Variants in SCGB2B2 observed in about 807,000 individuals in gnomAD.
SCGB2B2 encodes the protein secretoglobin-like protein.
A neutral mutation model predicts 7.6 loss-of-function variants in SCGB2B2; 11 were observed. The ratio of observed to expected loss-of-function variants is 1.45; its 90% CI spans 0.91 to 2.40. The LOEUF (loss-of-function observed/expected upper bound fraction) is 2.40, where lower values mean the gene tolerates loss of function less well. SCGB2B2 is among the 30% of genes most tolerant of loss of function. SCGB2B2 has a pLI of 0.00. For synonymous variants in SCGB2B2, 50 were observed against 48.6 expected (o/e 1.03, Z -0.12); for missense variants, 104 against 115.4 (o/e 0.90, Z 0.45).
At chr19:34,651,047 A>G (rs1446009758) in intron 1 of SCGB2B2, among the ~76,000 whole-genome samples, 5 of 151,356 alleles carry the variant, frequency 3.3e-5, no homozygotes, top group Non-Finnish European at 7.3e-5. Context: ...ATAAAATTCA[A>G]TAGTCCTTAA....
Position 34,592,504 on chromosome 19 carries a change from G to A in SCGB2B2, c.*1051C>T, listed in dbSNP as rs1484520280. Among the ~76,000 whole-genome samples, 3 of 152,130 alleles carry A rather than the reference G, an allele frequency of 2.0e-5. No individual in the cohort carries two copies. Among genetic ancestry groups the A allele is most frequent in the Non-Finnish European group, 4.4e-5 (3 of 68,012 alleles). On this transcript the variant is annotated 3_prime_UTR_variant, in exon 4 of 4. Transcript: ENST00000601241. The stretch of plus-strand genomic sequence containing the variant: ...GACACCTGGGTGGGAGGGAGAGGGA[G>A]GAGTCTAGGGCGGTGTGAGCTGATA...
At chr19:34,658,417 A>T (rs923693265) in intron 1 of SCGB2B2, among the ~76,000 whole-genome samples, 2 of 152,204 alleles carry the variant, frequency 1.3e-5, no homozygotes, top group African/African-American at 4.8e-5. Context: ...GATAAAGGGG[A>T]TATCACCACT....
At chr19:34,609,002 T>C (rs1291709770) in intron 1 of SCGB2B2, among the ~76,000 whole-genome samples, 1 of 152,096 alleles carries the variant, frequency 6.6e-6, no homozygotes, top group African/African-American at 2.4e-5. Context: ...GTAATTTTGA[T>C]AATACCCATC....
rs527294115 is a variant in SCGB2B2, at chr19:34,649,993, TCCTAAGTCATCC to T, written c.-2032+25625_-2032+25636del. 1.9e-4 allele frequency among the ~76,000 whole-genome samples: 29 copies of T among 151,282 alleles called. No individual in the cohort carries two copies. In the East Asian group the frequency reaches 5.6e-3, roughly 29 times the overall value. On this transcript the variant is annotated intron_variant, in intron 1 of 3. Coordinates refer to ENST00000601241, the MANE Select transcript of SCGB2B2 (RefSeq NM_001025591.4). ...GCCCCACCATTTCCTCTTCCTCCAC[TCCTAAGTCATCC>T]CCTAAGTGTCCTGAGGGCAATAACC...
At chr19:34,610,876 A>C (rs1329701271) in intron 1 of SCGB2B2, among the ~76,000 whole-genome samples, 2 of 151,084 alleles carry the variant, frequency 1.3e-5, no homozygotes, top group African/African-American at 4.9e-5. Flanking sequence ...AATTTCTTGG[A>C]AGACTCTGAG....
intron 1 of SCGB2B2, among the ~76,000 whole-genome samples, chr19:34,615,972 AATG>A (rs1161262819): frequency 8.6e-5 from 13 of 151,578 alleles, no homozygotes; most frequent in Admixed American, 8.5e-4. Context: ...GTTTACTGAG[AATG>A]ATGATTTCCA....
intron 1 of SCGB2B2, among the ~76,000 whole-genome samples, chr19:34,619,871 C>G (rs911792182): frequency 6.6e-6 from 1 of 152,026 alleles, no homozygotes; most frequent in East Asian, 1.9e-4. Flanking sequence ...CTTTTTTAGA[C>G]CCAAGAATCA....
At chr19:34,593,752 G>A (rs1456343210) in intron 3 of SCGB2B2, among the ~76,000 whole-genome samples, 153 bp from the exon 4 acceptor site, 1 of 152,038 alleles carries the variant, frequency 6.6e-6, no homozygotes, top group Non-Finnish European at 1.5e-5. Context: ...GTGGATGTGG[G>A]TTGTGTCTCC....
intron 1 of SCGB2B2, among the ~76,000 whole-genome samples, chr19:34,625,272 G>T (rs530033041): frequency 6.6e-6 from 1 of 152,318 alleles, no homozygotes; most frequent in African/African-American, 2.4e-5. Flanking sequence ...GATAGTGGGT[G>T]CAGGACAGTG....
At chr19:34,597,122 G>T (rs1205874145) in intron 1 of SCGB2B2, among the ~76,000 whole-genome samples, 1 of 151,706 alleles carries the variant, frequency 6.6e-6, no homozygotes, top group African/African-American at 2.4e-5. Context: ...TCAATCACCT[G>T]CCTGTGCCCA....
intron 1 of SCGB2B2, among the ~76,000 whole-genome samples, chr19:34,610,835 A>G (rs1287538053): frequency 6.7e-6 from 1 of 148,980 alleles, no homozygotes; most frequent in Non-Finnish European, 1.5e-5. Flanking sequence ...CTGGTTTTGC[A>G]GAGTGAGTTT....
At chr19:34,633,926 C>G (rs2066606237) in intron 1 of SCGB2B2, among the ~76,000 whole-genome samples, 1 of 152,172 alleles carries the variant, frequency 6.6e-6, no homozygotes, top group Non-Finnish European at 1.5e-5. Flanking sequence ...GGAGCAAAGA[C>G]TAGCGAGCAA....
intron 1 of SCGB2B2, among the ~76,000 whole-genome samples, chr19:34,601,038 G>C (rs758178303): frequency 6.6e-6 from 1 of 151,962 alleles, no homozygotes; most frequent in Non-Finnish European, 1.5e-5. Context: ...TGTCCATTGA[G>C]GTCTATAATC....
rs899528866 is a variant in SCGB2B2 at position 34,594,702 on chromosome 19, T to A, written c.-139A>T. ...GTGTGTGTGTGTGTGTGTGTGTGTG[T>A]GAATGTGGTCAGGGCAGGTCTGCAG... is the stretch of plus-strand genomic sequence containing the variant. On this transcript the variant is annotated 5_prime_UTR_variant, in exon 2 of 4. Transcript: ENST00000601241. The A allele has an allele frequency of 5.4e-4, 354 of 650,456 alleles. 1 individual carries two copies. The East Asian group carries it at 6.1e-3, about 11-fold the overall frequency. 40.3% of individuals were successfully genotyped at this position (650,456 alleles called of 1,614,324 possible).
downstream of SCGB2B2, among the ~76,000 whole-genome samples, chr19:34,589,502 G>A (rs998543897): frequency 9.2e-5 from 14 of 152,170 alleles, no homozygotes; most frequent in African/African-American, 3.1e-4. Flanking sequence ...CCTATTAGTA[G>A]GTCAAGGAAC....
intron 1 of SCGB2B2, among the ~76,000 whole-genome samples, chr19:34,611,339 T>C (rs963625430): frequency 6.6e-6 from 1 of 152,158 alleles, no homozygotes; most frequent in Admixed American, 6.5e-5. Flanking sequence ...ATCCTTATTA[T>C]AGTTTTCCTC....
intron 1 of SCGB2B2, among the ~76,000 whole-genome samples, chr19:34,661,418 C>G (rs2067453743): frequency 1.3e-5 from 2 of 152,134 alleles, no homozygotes; most frequent in African/African-American, 4.8e-5. Flanking sequence ...ATCAAAATTT[C>G]AGTTCTCTCC....
chr19:34,644,834 T>G (rs1036845332), intron 1 of SCGB2B2, among the ~76,000 whole-genome samples: 3 of 152,230 alleles, frequency 2.0e-5, no homozygotes, highest in Non-Finnish European at 4.4e-5. Context: ...ACATTTATAA[T>G]TAACACAATA....
At chr19:34,671,523 G>A (rs541698039) in intron 1 of SCGB2B2, among the ~76,000 whole-genome samples, 3 of 151,762 alleles carry the variant, frequency 2.0e-5, no homozygotes, top group East Asian at 1.9e-4. Flanking sequence ...TAAAAGCATC[G>A]TGGGATTTTG....
Sources: gnomAD v4.1 joint callset for allele counts (sites outside exome capture counted in the v4.1 genomes callset) on GRCh38, gnomAD v4.1.1 for gene constraint, MANE v1.5 for transcripts, NCBI Gene and HGNC (gene_info 2026-07-23, HGNC 2026-07-21) for gene names.